PTPRU: variants seen among roughly 807,000 people sequenced by gnomAD.
PTPRU encodes the protein protein tyrosine phosphatase receptor type U, also known as receptor-type tyrosine-protein phosphatase U.
PTPRU carries 69 observed loss-of-function variants against 166.3 expected under a neutral mutation model. That is an observed-to-expected ratio of 0.41 (90% CI 0.34 to 0.51). PTPRU has a LOEUF of 0.51. PTPRU is among the 20% of genes least tolerant of loss of function. The pLI is 0.09. For synonymous variants in PTPRU, 793 were observed against 814.0 expected (o/e 0.97, Z 0.44); for missense variants, 1,657 against 2,013.7 (o/e 0.82, Z 3.39).
intron 1 of PTPRU, among the ~76,000 whole-genome samples, chr1:29,245,632 C>T (rs1323411949): frequency 6.6e-6 from 1 of 152,216 alleles, no homozygotes; most frequent in Non-Finnish European, 1.5e-5. Context: ...TGCTCTGCCT[C>T]TGCATTGTCC....
chr1:29,323,106 A>G lies in PTPRU; in HGVS notation c.3829-265A>G, dbSNP rs1688236571. ...AGGTGTAGCTTTCTAGCTGCACAGC[A>G]GTAGGCATCAGTGCAGTTTGCAAAG... is the stretch of plus-strand genomic sequence containing the variant. On this transcript the variant is annotated intron_variant, in intron 26 of 29. Coordinates refer to ENST00000373779, the MANE Select transcript of PTPRU (RefSeq NM_133178.4). 5 of 435,154 alleles carry G rather than the reference A, an allele frequency of 1.1e-5. No homozygotes were observed. The East Asian group carries it at 1.7e-4, about 15-fold the overall frequency. The allele number at this position is 435,154 out of a possible 1,614,324, so 27.0% of individuals were successfully genotyped here. A position where few individuals can be genotyped will look rare whatever the true frequency, so the allele number is the denominator to read the frequency against.
intron 1 of PTPRU, among the ~76,000 whole-genome samples, chr1:29,247,083 C>A (rs1035387512): frequency 1.3e-5 from 2 of 152,238 alleles, no homozygotes; most frequent in Non-Finnish European, 2.9e-5. Flanking sequence ...ATCCCCTTAT[C>A]TCTCTGTTGT....
intron 14 of PTPRU, among the ~76,000 whole-genome samples, chr1:29,290,648 A>G (rs1366259156): frequency 2.0e-5 from 3 of 152,330 alleles, no homozygotes; most frequent in African/African-American, 7.2e-5. Flanking sequence ...GAGCTTTTCC[A>G]ACAACTCAAC....
rs1263845459 is a variant in PTPRU at position 29,260,717 on chromosome 1, A to C, written c.958A>C (p.Lys320Gln). 3.7e-6 allele frequency: 6 copies of C among 1,602,960 alleles called. No homozygotes were observed. In the African/African-American group the frequency reaches 6.7e-5, roughly 18 times the overall value. ...SIIGDGPIVR[K>Q]EIEYRMARGP... ...CATTGGCGACGGGCCGATCGTGCGC[A>C]AGGAGATTGAGTACCGCATGGCGCG... The change falls in exon 7 of 30, where the codon AAG becomes CAG. Residue 320 changes from lysine to glutamine, a missense_variant. Around this residue, in one of 3 missense-constraint regions of PTPRU, gnomAD observed 453 missense variants for 496.9 expected, o/e 0.91. Coordinates refer to ENST00000373779, the MANE Select transcript of PTPRU (RefSeq NM_133178.4). This position sits in a 1 kb window ranked among gnomAD's most constrained non-coding sequence, Gnocchi z 8.3.
At chr1:29,296,710 C>T (rs1686899117) in intron 15 of PTPRU, among the ~76,000 whole-genome samples, 1 of 148,158 alleles carries the variant, frequency 6.7e-6, no homozygotes, top group Non-Finnish European at 1.5e-5. Flanking sequence ...TTTGTAGAGA[C>T]AGGGTTTTGT....
At chr1:29,251,125 T>G (rs1462140325) in intron 1 of PTPRU, among the ~76,000 whole-genome samples, 1 of 152,150 alleles carries the variant, frequency 6.6e-6, no homozygotes, top group Non-Finnish European at 1.5e-5. Flanking sequence ...TGGTGGCACG[T>G]GCCTATAATT....
chr1:29,259,599 G>GCCCCACGGC, intron 5 of PTPRU, 35 bp downstream of exon 5: 2 of 1,467,290 alleles, frequency 1.4e-6, no homozygotes, highest in South Asian at 1.2e-5. Context: ...TGGGGGCGGG[G>GCCCCACGGC]TGGGAGGGGG....
intron 2 of PTPRU, among the ~76,000 whole-genome samples, chr1:29,256,811 C>T (rs1230744670): frequency 6.6e-6 from 1 of 152,178 alleles, no homozygotes. Flanking sequence ...GATTGGAATT[C>T]ACCTCTTATA....
chr1:29,278,652 T>C (rs192129662), intron 8 of PTPRU, among the ~76,000 whole-genome samples: 2 of 152,356 alleles, frequency 1.3e-5, no homozygotes, highest in Admixed American at 6.5e-5. Flanking sequence ...CTCTGGCCCA[T>C]GTGCATATTT....
chr1:29,298,979 A>C (rs1307991006), intron 15 of PTPRU, among the ~76,000 whole-genome samples: 1 of 152,210 alleles, frequency 6.6e-6, no homozygotes, highest in Non-Finnish European at 1.5e-5. Flanking sequence ...GTAGGAAAGA[A>C]ACTTACTTGC....
chr1:29,302,147 GTGTA>G (rs1687163068), intron 15 of PTPRU, among the ~76,000 whole-genome samples: 1 of 142,622 alleles, frequency 7.0e-6, no homozygotes, highest in Non-Finnish European at 1.5e-5. Flanking sequence ...CTAGGCTAAT[GTGTA>G]TGTGTGTGTG....
chr1:29,303,664 G>A (rs1050565453), intron 15 of PTPRU, among the ~76,000 whole-genome samples, 191 bp from the exon 16 acceptor site: 2 of 152,210 alleles, frequency 1.3e-5, no homozygotes, highest in African/African-American at 2.4e-5. Context: ...AGGTGGAACC[G>A]AGATTTGGAG....
intron 12 of PTPRU, 71 bp downstream of exon 12, chr1:29,283,020 A>C: frequency 6.4e-7 from 1 of 1,570,002 alleles, no homozygotes; most frequent in Non-Finnish European, 8.6e-7. Flanking sequence ...GATACCTTGG[A>C]GCAGGCCCAG....
At position 29,260,682 on chromosome 1, in the gene PTPRU, C is replaced by T. The variant is rs746485300; in HGVS notation, c.923C>T (p.Thr308Ile). 6.3e-7 allele frequency: 1 copy of T among 1,576,600 alleles called. No individual in the cohort carries two copies. ...ACCTACCTCATCATCCAGCTCAACA[C>T]CAACTCCATCATTGGCGACGGGCCG... Reference protein sequence around the residue: ...GPTYLIIQLNTNSIIGDGPIV... With the variant: ...GPTYLIIQLNINSIIGDGPIV... Residue 308 changes from threonine to isoleucine, a missense_variant, in exon 7 of 30, where the codon ACC becomes ATC. Physicochemically the swap from Thr to Ile is moderately conservative, Grantham distance 89 (BLOSUM62 -1). Around this residue, in one of 3 missense-constraint regions of PTPRU, gnomAD observed 453 missense variants for 496.9 expected, o/e 0.91. Coordinates refer to ENST00000373779, the MANE Select transcript of PTPRU (RefSeq NM_133178.4). The surrounding 1 kb of genome is among the most constrained non-coding windows in gnomAD (Gnocchi z 8.3).
chr1:29,312,471 G>A (rs1687708845), intron 21 of PTPRU, 81 bp from the exon 22 acceptor site: 1 of 1,316,702 alleles, frequency 7.6e-7, no homozygotes, highest in East Asian at 2.4e-5. Context: ...GATGCTTACT[G>A]CAGTGCCTGG....
intron 1 of PTPRU, 43 bp from the exon 2 acceptor site, chr1:29,255,232 C>T (rs756490108): frequency 6.3e-6 from 10 of 1,592,676 alleles, no homozygotes; most frequent in Non-Finnish European, 8.6e-6. Flanking sequence ...TCCTGGCCAG[C>T]AGCCCTGCCT....
chr1:29,237,708 T>TCA lies in PTPRU; in HGVS notation c.73+991_73+992insCA, dbSNP rs1427168456. Among the ~76,000 whole-genome samples the TCA allele has an allele frequency of 2.0e-5, 3 of 150,532 alleles. No individual in the cohort carries two copies. The highest frequency in any genetic ancestry group is 7.3e-5 in the African/African-American group (3 of 41,110). On this transcript the variant is annotated intron_variant, in intron 1 of 29. Coordinates refer to ENST00000373779, the MANE Select transcript of PTPRU (RefSeq NM_133178.4). This position sits in a 1 kb window ranked among gnomAD's most constrained non-coding sequence, Gnocchi z 6.4. ...GCCTCGGGCATGTCGGACTGTTTGT[T>TCA]GTTTCGCAAGTTCCGCGCGGCGCTG...
intron 2 of PTPRU, 50 bp from the exon 3 acceptor site, chr1:29,258,455 C>T: frequency 6.3e-7 from 1 of 1,577,928 alleles, no homozygotes; most frequent in Non-Finnish European, 8.6e-7. Context: ...CTGGCCCTGT[C>T]CCTCCCCTGA....
intron 16 of PTPRU, among the ~76,000 whole-genome samples, chr1:29,304,538 G>A (rs7524056): frequency 0.59 from 89,463 of 151,980 alleles, 28,996 homozygotes; most frequent in African/African-American, 0.86. Flanking sequence ...TTGAACCCTG[G>A]CCCTCTTTTC....
Sources: gnomAD v4.1 joint callset for allele counts (sites outside exome capture counted in the v4.1 genomes callset) on GRCh38, gnomAD v4.1.1 for gene constraint, gnomAD v4.1.1 regional missense constraint, Gnocchi (gnomAD v3.1) non-coding constraint, MANE v1.5 for transcripts, NCBI Gene and HGNC (gene_info 2026-07-23, HGNC 2026-07-21) for gene names.